Variants in ROBO2 observed in about 807,000 individuals in gnomAD.
The protein encoded by ROBO2 is roundabout homolog 2.
ROBO2 carries 53 observed loss-of-function variants against 160.8 expected under a neutral mutation model. The observed-to-expected ratio is 0.33, with a 90% CI of 0.26 to 0.41. ROBO2 has a LOEUF of 0.41. ROBO2 is among the 10% of genes least tolerant of loss of function. ROBO2 has a pLI of 1.00. For missense variants in ROBO2, 1,577 were observed against 1,722.4 expected (o/e 0.92, Z 1.49); for synonymous variants, 664 against 611.7 (o/e 1.09, Z -1.26).
chr3:77,235,099 T>C (rs1387005895), intron 2 of ROBO2, among the ~76,000 whole-genome samples: 1 of 152,212 alleles, frequency 6.6e-6, no homozygotes, highest in African/African-American at 2.4e-5. Context: ...TCCCAAAATA[T>C]GGTTAATGGA....
chr3:76,363,057 T>C (rs1444321848), intron 2 of ROBO2, among the ~76,000 whole-genome samples: 1 of 152,064 alleles, frequency 6.6e-6, no homozygotes, highest in Non-Finnish European at 1.5e-5. Context: ...TGACCTTGTC[T>C]GGTAAATGTG....
intron 2 of ROBO2, among the ~76,000 whole-genome samples, chr3:76,996,803 A>G (rs1403047733): frequency 1.3e-5 from 2 of 152,072 alleles, no homozygotes; most frequent in East Asian, 3.9e-4. Context: ...TATTCTACTA[A>G]TTGTGCAAAA....
chr3:76,577,694 T>C (rs1350287497), intron 2 of ROBO2, among the ~76,000 whole-genome samples: 2 of 152,110 alleles, frequency 1.3e-5, no homozygotes, highest in Admixed American at 6.6e-5. Context: ...GAATTGAGGA[T>C]TTCGATTTCT....
At chr3:76,032,235 A>G (rs2066947560) in intron 2 of ROBO2, among the ~76,000 whole-genome samples, 1 of 150,660 alleles carries the variant, frequency 6.6e-6, no homozygotes, top group South Asian at 2.1e-4. Flanking sequence ...CGTCTATTTG[A>G]TTCTTCTCTC....
At chr3:77,350,109 A>ATT (rs1553918910) in intron 2 of ROBO2, among the ~76,000 whole-genome samples, 3 of 150,052 alleles carry the variant, frequency 2.0e-5, no homozygotes, top group African/African-American at 4.9e-5. Flanking sequence ...ATATATATAT[A>ATT]ATATATATAT....
intron 6 of ROBO2, among the ~76,000 whole-genome samples, chr3:77,535,919 AAATAT>A (rs2092067916): frequency 6.6e-6 from 1 of 152,206 alleles, no homozygotes; most frequent in Admixed American, 6.5e-5. Context: ...TAGTAATCTG[AAATAT>A]AATAAAGTTT....
At chr3:77,291,034 T>C (rs190552295) in intron 2 of ROBO2, among the ~76,000 whole-genome samples, 220 of 146,560 alleles carry the variant, frequency 1.5e-3, no homozygotes, top group African/African-American at 5.5e-3. Flanking sequence ...TGAAGTAAAA[T>C]TGATGGTTAA....
intron 2 of ROBO2, among the ~76,000 whole-genome samples, chr3:77,373,329 T>C (rs1010665683): frequency 6.6e-6 from 1 of 151,724 alleles, no homozygotes; most frequent in East Asian, 1.9e-4. Flanking sequence ...TCAGTGATTT[T>C]AAAAAATATA....
At chr3:76,624,245 G>A (rs1342923163) in intron 2 of ROBO2, among the ~76,000 whole-genome samples, 2 of 152,044 alleles carry the variant, frequency 1.3e-5, no homozygotes, top group African/African-American at 2.4e-5. Context: ...TTTACCACAC[G>A]TTTTTAAATT....
At chr3:76,474,172 G>T (rs1180710792) in intron 2 of ROBO2, among the ~76,000 whole-genome samples, 2 of 152,048 alleles carry the variant, frequency 1.3e-5, no homozygotes, top group South Asian at 2.1e-4. Flanking sequence ...TCTTAATAGG[G>T]TGATTAATTT....
intron 2 of ROBO2, among the ~76,000 whole-genome samples, chr3:76,056,020 T>A (rs924592887): frequency 6.6e-6 from 1 of 152,196 alleles, no homozygotes; most frequent in Non-Finnish European, 1.5e-5. Flanking sequence ...AAATACATCC[T>A]CTGGTTTTGC....
At chr3:76,184,671 A>G (rs1169801850) in intron 2 of ROBO2, among the ~76,000 whole-genome samples, 1 of 152,028 alleles carries the variant, frequency 6.6e-6, no homozygotes, top group Non-Finnish European at 1.5e-5. Flanking sequence ...TGTGCAAGCT[A>G]TAGACCCTGA....
intron 23 of ROBO2, chr3:77,633,185 A>G (rs186127750): frequency 6.6e-6 from 1 of 152,310 alleles, no homozygotes; most frequent in Admixed American, 6.5e-5. Flanking sequence ...TTTTAATACA[A>G]TAATTTATTA....
At chr3:76,748,332 G>A (rs1476094241) in intron 2 of ROBO2, among the ~76,000 whole-genome samples, 2 of 151,504 alleles carry the variant, frequency 1.3e-5, no homozygotes. Flanking sequence ...GAAAAGTAAT[G>A]ATTAATATTA....
chr3:76,194,350 G>GTGTGTGTGTATATATATA (rs759087780), intron 2 of ROBO2, among the ~76,000 whole-genome samples: 7 of 42,058 alleles, frequency 1.7e-4, no homozygotes, highest in African/African-American at 4.2e-4. Context: ...TGTATGGTGT[G>GTGTGTGTGTATATATATA]TAAATATATA....
At position 77,381,314 on chromosome 3, in the gene ROBO2, A is replaced by AAAAC. The variant is rs375342557; in HGVS notation, c.389-96080_389-96077dup. 2.0e-3 allele frequency among the ~76,000 whole-genome samples: 307 copies of AAAAC among 152,120 alleles called. 1 individual carries two copies. The highest frequency in any genetic ancestry group is 9.6e-3 in the South Asian group (46 of 4,810). ...TGGGTGACAGAGGGAGACTCCATCT[A>AAAAC]AAACAAACAAACAAACAAACAAAGA... On this transcript the variant is annotated intron_variant, in intron 2 of 25. Coordinates refer to ENST00000461745, the Ensembl canonical transcript of ROBO2.
At chr3:76,993,934 A>C (rs2060838658) in intron 2 of ROBO2, among the ~76,000 whole-genome samples, 1 of 151,960 alleles carries the variant, frequency 6.6e-6, no homozygotes, top group African/African-American at 2.4e-5. Context: ...TACTCTTCTA[A>C]ATGACAGCTA....
chr3:76,077,379 A>G (rs1332501691), intron 2 of ROBO2, among the ~76,000 whole-genome samples: 1 of 152,106 alleles, frequency 6.6e-6, no homozygotes, highest in Non-Finnish European at 1.5e-5. Context: ...CCTGGCCAAC[A>G]TGGTGAAACC....
At chr3:76,862,991 C>T (rs1300171388) in intron 2 of ROBO2, among the ~76,000 whole-genome samples, 1 of 152,016 alleles carries the variant, frequency 6.6e-6, no homozygotes. Flanking sequence ...CAGATAAAGT[C>T]AGCTTTCTAG....
Sources: allele counts gnomAD v4.1 joint callset (sites outside exome capture counted in the v4.1 genomes callset), GRCh38; gene constraint gnomAD v4.1.1; transcripts MANE v1.5; gene names NCBI Gene and HGNC (gene_info 2026-07-23, HGNC 2026-07-21).